Variants in CAPN3 observed in about 807,000 individuals in gnomAD.
CAPN3 encodes the protein calpain 3.
CAPN3 carries 88 observed loss-of-function variants against 114.0 expected under a neutral mutation model. The observed-to-expected ratio is 0.77, with a 90% CI of 0.65 to 0.92. The LOEUF is 0.92. Among genes scored for constraint, CAPN3 ranks in the 40% least tolerant of loss-of-function variants. The pLI is 0.00. For synonymous variants in CAPN3, 386 were observed against 382.9 expected, an observed-to-expected ratio of 1.01 and a Z score of -0.09; for missense variants, 1,028 against 1,069.0, an observed-to-expected ratio of 0.96 and a Z score of 0.53.
intron 2 of CAPN3, chr15:42,385,529 C>CAG (rs560457739): frequency 2.7e-4 from 104 of 382,208 alleles, no homozygotes; most frequent in South Asian, 1.8e-3. Context: ...TATATACACA[C>CAG]ACAGAGAGAG....
chr15:42,386,533 G>A (rs1459865851), intron 3 of CAPN3, among the ~76,000 whole-genome samples: 2 of 152,140 alleles, frequency 1.3e-5, no homozygotes, highest in South Asian at 2.1e-4. Context: ...TTTACTGTGG[G>A]TCTATTTTTG....
intron 3 of CAPN3, 109 bp from the exon 4 acceptor site, chr15:42,387,644 G>T: frequency 1.5e-6 from 2 of 1,368,388 alleles, no homozygotes; most frequent in Non-Finnish European, 2.1e-6. Flanking sequence ...CAGAGTCCAG[G>T]AAATGATGCT....
intron 1 of CAPN3, among the ~76,000 whole-genome samples, chr15:42,364,650 C>T (rs77254911): frequency 0.022 from 3,367 of 152,282 alleles, 99 homozygotes; most frequent in African/African-American, 0.062. Flanking sequence ...ATAAAATGTA[C>T]ATTTGGTTGT....
At chr15:42,394,453 C>T (rs1566977703) in intron 8 of CAPN3, 112 bp downstream of exon 8, 1 of 871,570 alleles carries the variant, frequency 1.1e-6, no homozygotes, top group Non-Finnish European at 1.9e-6. Context: ...TAAAATCACC[C>T]TCAAAACCAA....
At chr15:42,398,780 C>CTTTTTTTTTTTT (rs765133190) in intron 9 of CAPN3, among the ~76,000 whole-genome samples, 1 of 101,326 alleles carries the variant, frequency 9.9e-6, no homozygotes, top group Non-Finnish European at 1.8e-5. Flanking sequence ...AGCATTAGAG[C>CTTTTTTTTTTTT]TTTTTTTTTT....
intron 2 of CAPN3, among the ~76,000 whole-genome samples, chr15:42,385,433 C>T (rs2053367632): frequency 6.6e-6 from 1 of 151,934 alleles, no homozygotes; most frequent in Non-Finnish European, 1.5e-5. Context: ...CTCTCAGTCT[C>T]CCCTGCACAC....
At chr15:42,370,872 A>C (rs1054499610) in intron 1 of CAPN3, among the ~76,000 whole-genome samples, 1 of 152,150 alleles carries the variant, frequency 6.6e-6, no homozygotes, top group African/African-American at 2.4e-5. Context: ...CAATGATGTT[A>C]TGACTTCATA....
At position 42,359,698 on chromosome 15, in the gene CAPN3, C is replaced by G; in HGVS notation, c.-108C>G. 1 of 1,582,370 alleles carries G rather than the reference C, an allele frequency of 6.3e-7. No individual in the cohort carries two copies. Among genetic ancestry groups the G allele is most frequent in the Non-Finnish European group, 8.6e-7 (1 of 1,167,058 alleles). On this transcript the variant is annotated 5_prime_UTR_variant, in exon 1 of 24. Transcript: ENST00000397163. ...TTGAACTGGATGTGGACACTTTTCT[C>G]TCAGATGACAGAATTACTCCAACTT...
chr15:42,390,210 G>C, intron 6 of CAPN3, 114 bp downstream of exon 6: 2 of 1,189,814 alleles, frequency 1.7e-6, no homozygotes, highest in Non-Finnish European at 2.5e-6. Context: ...CCCCCACCTG[G>C]CACCTCCCAA....
At chr15:42,395,741 C>G (rs1001273710) in intron 8 of CAPN3, among the ~76,000 whole-genome samples, 12 of 152,212 alleles carry the variant, frequency 7.9e-5, no homozygotes, top group African/African-American at 2.7e-4. Flanking sequence ...ACGCTGTTCA[C>G]TCAAGGAGAT....
chr15:42,409,436 CT>C, intron 17 of CAPN3, 56 bp downstream of exon 17: 3 of 1,451,206 alleles, frequency 2.1e-6, no homozygotes. Context: ...CCTGGATTAA[CT>C]GCTCAGATTA....
intron 16 of CAPN3, 122 bp from the exon 17 acceptor site, chr15:42,409,181 C>T (rs1457857844): frequency 1.2e-6 from 1 of 833,486 alleles, no homozygotes; most frequent in Non-Finnish European, 2.0e-6. Flanking sequence ...TTGCCCGTCC[C>T]CAGCTCCTGC....
rs1566975090 is a variant in CAPN3 at position 42,387,815 on chromosome 15, TC to T, written c.562del (p.Gln188AsnfsTer32). 1.9e-6 allele frequency: 3 copies of T among 1,614,152 alleles called. No homozygotes were observed. The highest frequency in any genetic ancestry group is 1.7e-6 in the Non-Finnish European group (2 of 1,180,020). ...ATGACTGCCTGCCAACGTACAACAA[TC>T]AACTGGTTTTCACCAAGTCCAACCA... ...IDDCLPTYNN[Q>X]LVFTKSNHRN... On this transcript the variant is annotated frameshift_variant, in exon 4 of 24. Coordinates refer to ENST00000397163, the MANE Select transcript of CAPN3 (RefSeq NM_000070.3). LOFTEE classifies it high-confidence loss of function.
chr15:42,396,983 G>T, intron 9 of CAPN3, 106 bp downstream of exon 9: 1 of 856,884 alleles, frequency 1.2e-6, no homozygotes, highest in Non-Finnish European at 2.0e-6. Flanking sequence ...GCCCTTGGGA[G>T]ATCTGGGCTG....
chr15:42,387,353 T>C (rs2053432140), intron 3 of CAPN3, among the ~76,000 whole-genome samples: 1 of 152,222 alleles, frequency 6.6e-6, no homozygotes, highest in Non-Finnish European at 1.5e-5. Context: ...ATCAGCACAG[T>C]GCCTTCACTG....
rs189534110 is a variant in CAPN3, at chr15:42,376,573, C to G, written c.310-7910C>G. Among the ~76,000 whole-genome samples the G allele has an allele frequency of 6.3e-4, 95 of 149,772 alleles. 1 individual carries two copies. The East Asian group carries it at 0.018, about 29-fold the overall frequency. On this transcript the variant is annotated intron_variant, in intron 1 of 23. Coordinates refer to ENST00000397163, the MANE Select transcript of CAPN3 (RefSeq NM_000070.3). Reference sequence around the variant, plus strand: ...GGGTTTTTTTTTTTTTCCTTGAGCACTTTCTTACTTTCTGGCACTACCAGC... The same window carrying G: ...GGGTTTTTTTTTTTTTCCTTGAGCAGTTTCTTACTTTCTGGCACTACCAGC...
intron 19 of CAPN3, 66 bp downstream of exon 19, chr15:42,410,061 G>A (rs1413996637): frequency 1.4e-6 from 2 of 1,463,840 alleles, no homozygotes; most frequent in Non-Finnish European, 9.6e-7. Context: ...GCAACATACA[G>A]GGTGCCCAGT....
At chr15:42,401,978 A>C in intron 11 of CAPN3, 146 bp from the exon 12 acceptor site, 1 of 1,293,876 alleles carries the variant, frequency 7.7e-7, no homozygotes, top group Non-Finnish European at 1.1e-6. Context: ...CAGGGGGGGC[A>C]TTAGAGAGGC....
intron 1 of CAPN3, among the ~76,000 whole-genome samples, chr15:42,378,345 A>G (rs1400802390): frequency 6.6e-6 from 1 of 152,238 alleles, no homozygotes; most frequent in Non-Finnish European, 1.5e-5. Context: ...ATTCCTATGT[A>G]TCTGTGCCCT....
Sources: gnomAD v4.1 joint callset for allele counts (sites outside exome capture counted in the v4.1 genomes callset) on GRCh38, gnomAD v4.1.1 for gene constraint, MANE v1.5 for transcripts, NCBI Gene and HGNC (gene_info 2026-07-23, HGNC 2026-07-21) for gene names.